Variants in CNTNAP4 observed in about 807,000 individuals in gnomAD.
The protein encoded by CNTNAP4 is contactin-associated protein-like 4.
A neutral mutation model predicts 148.4 loss-of-function variants in CNTNAP4; 98 were observed. The observed-to-expected ratio is 0.66, with a 90% CI of 0.56 to 0.78. The LOEUF is 0.78. Ranked by LOEUF, CNTNAP4 falls within the 30% of genes least tolerant of loss-of-function variation. The probability of loss-of-function intolerance (pLI) is 0.00; values close to 1 mark genes in which losing one functional copy is unlikely to be tolerated. For missense variants in CNTNAP4, 1,935 were observed against 1,565.6 expected, an observed-to-expected ratio of 1.24 and a Z score of -3.98; for synonymous variants, 730 against 565.1, an observed-to-expected ratio of 1.29 and a Z score of -4.14.
intron 3 of CNTNAP4, among the ~76,000 whole-genome samples, chr16:76,417,502 A>C (rs775942606): frequency 8.6e-5 from 13 of 151,618 alleles, no homozygotes; most frequent in Non-Finnish European, 1.9e-4. Flanking sequence ...CGTACCTGAC[A>C]ACATTCATTT....
At position 76,461,937 on chromosome 16, in the gene CNTNAP4, A is replaced by G; in HGVS notation, c.1334-19A>G. The G allele has an allele frequency of 6.2e-7, 1 of 1,612,032 alleles. No homozygotes were observed. The highest frequency in any genetic ancestry group is 8.5e-7 in the Non-Finnish European group (1 of 1,178,344). ...TGTTCACTATTGAGAGCGATCTCTA[A>G]CTGATTTCATCTCCCTAGGTGTCGA... On this transcript the variant is annotated intron_variant, in intron 8 of 23. Transcript: ENST00000611870.
Position 76,452,673 on chromosome 16 carries a change from C to G in CNTNAP4, c.1237C>G (p.Gln413Glu). The stretch of plus-strand genomic sequence containing the variant: ...AGGGCTTCTGCTGTTCAGTGAACTT[C>G]AGCTGATTTCAGGGGGTATCCTCCT... ...KAGLLLFSEL[Q>E]LISGGILLFL... The change falls in exon 8 of 24, where the codon CAG (glutamine) becomes GAG (glutamate). Residue 413 changes from glutamine (Q) to glutamate (E), a missense_variant. Transcript: ENST00000611870. The G allele has an allele frequency of 6.2e-7, 1 of 1,613,804 alleles. No individual in the cohort carries two copies. Among genetic ancestry groups the G allele is most frequent in the Non-Finnish European group, 8.5e-7 (1 of 1,179,824 alleles).
At chr16:76,309,529 A>G (rs557507592) in intron 1 of CNTNAP4, among the ~76,000 whole-genome samples, 4 of 152,322 alleles carry the variant, frequency 2.6e-5, no homozygotes, top group African/African-American at 9.6e-5. Context: ...GGCTTTCTCT[A>G]TACTTAGTAA....
intron 14 of CNTNAP4, among the ~76,000 whole-genome samples, chr16:76,497,290 T>C (rs1212116087): frequency 6.6e-6 from 1 of 152,182 alleles, no homozygotes; most frequent in Non-Finnish European, 1.5e-5. Context: ...ATGAATTATG[T>C]CTTAGCAAGC....
intron 3 of CNTNAP4, among the ~76,000 whole-genome samples, chr16:76,359,292 T>C (rs2013109990): frequency 6.6e-6 from 1 of 152,154 alleles, no homozygotes; most frequent in Non-Finnish European, 1.5e-5. Context: ...TGCAAATAAG[T>C]CTACGAAAGA....
intron 23 of CNTNAP4, chr16:76,557,894 G>A (rs1356359536): frequency 6.6e-6 from 1 of 152,138 alleles, no homozygotes; most frequent in Non-Finnish European, 1.5e-5. Flanking sequence ...GCCAGCGTTG[G>A]TAACCATTGA....
In CNTNAP4 at chr16:76,522,156, T is replaced by C. The variant is rs1398916314; in HGVS notation, c.2654T>C (p.Met885Thr). Residue 885 changes from methionine (M) to threonine (T), a missense_variant, in exon 17 of 24, where the codon ATG becomes ACG. Coordinates refer to ENST00000611870, the MANE Select transcript of CNTNAP4 (RefSeq NM_033401.5). The stretch of plus-strand genomic sequence containing the variant: ...CACCATGTGAGGGTTGAAAGGAACA[T>C]GAAGGAGGCCTCCCTTCAAGTGGAT... Reference protein sequence around the residue: ...QWHHVRVERNMKEASLQVDQL... With the variant: ...QWHHVRVERNTKEASLQVDQL... The C allele has an allele frequency of 1.2e-6, 2 of 1,613,974 alleles. No individual in the cohort carries two copies. The highest frequency in any genetic ancestry group is 1.7e-6 in the Non-Finnish European group (2 of 1,179,868).
chr16:76,298,174 G>C (rs372125412), intron 1 of CNTNAP4, among the ~76,000 whole-genome samples: 3 of 152,056 alleles, frequency 2.0e-5, no homozygotes, highest in East Asian at 1.9e-4. Context: ...CTTATACAGG[G>C]TGCCATAAAG....
intron 1 of CNTNAP4, among the ~76,000 whole-genome samples, chr16:76,306,272 A>C (rs1028720388): frequency 1.3e-5 from 2 of 152,132 alleles, no homozygotes; most frequent in African/African-American, 4.8e-5. Context: ...CTTCTTAATA[A>C]GGTTATAGAC....
chr16:76,407,792 A>G (rs957977212), intron 3 of CNTNAP4, among the ~76,000 whole-genome samples: 10 of 152,270 alleles, frequency 6.6e-5, no homozygotes, highest in African/African-American at 2.2e-4. Flanking sequence ...TAGTTGATAA[A>G]GCAGTGGCAG....
chr16:76,393,933 C>A (rs1200101005), intron 3 of CNTNAP4, among the ~76,000 whole-genome samples: 1 of 152,142 alleles, frequency 6.6e-6, no homozygotes, highest in African/African-American at 2.4e-5. Flanking sequence ...TTCATTTTCG[C>A]CAACAGAAAC....
At chr16:76,394,647 A>G (rs1019540450) in intron 3 of CNTNAP4, among the ~76,000 whole-genome samples, 3 of 152,214 alleles carry the variant, frequency 2.0e-5, no homozygotes, top group African/African-American at 7.2e-5. Flanking sequence ...TTAAACATAA[A>G]TTACAATTTG....
chr16:76,448,864 G>A lies in CNTNAP4; in HGVS notation c.840G>A (p.Leu280=), dbSNP rs755459916. The A allele has an allele frequency of 1.2e-6, 2 of 1,613,612 alleles. No homozygotes were observed. The highest frequency in any genetic ancestry group is 1.1e-5 in the South Asian group (1 of 90,946). Residue 280 remains leucine, a synonymous_variant, in exon 6 of 24, where the codon TTG becomes TTA. Transcript: ENST00000611870. The stretch of plus-strand genomic sequence containing the variant: ...GGCATTCAGTGCTCATCCAGCGTTT[G>A]GGCAAACAAGTCAACTTCACAGTGG... ...QHWHSVLIQR[L]GKQVNFTVDE... is the part of the protein sequence containing the mutation.
rs188170525 is a variant in CNTNAP4, at chr16:76,287,356, C to T, written c.85+9609C>T. On this transcript the variant is annotated intron_variant, in intron 1 of 23. Coordinates refer to ENST00000611870, the MANE Select transcript of CNTNAP4 (RefSeq NM_033401.5). Reference sequence around the variant, plus strand: ...AAATTGTGATCACCATAATTTGCTACGCTTAACACGCAAAACAGCCTGATT... The same window carrying T: ...AAATTGTGATCACCATAATTTGCTATGCTTAACACGCAAAACAGCCTGATT... 3.4e-3 allele frequency among the ~76,000 whole-genome samples: 521 copies of T among 152,252 alleles called. 7 individuals carry two copies. The highest frequency in any genetic ancestry group is 0.012 in the African/African-American group (494 of 41,548).
chr16:76,552,536 C>G (rs560395152), intron 21 of CNTNAP4, among the ~76,000 whole-genome samples: 21 of 152,240 alleles, frequency 1.4e-4, no homozygotes, highest in African/African-American at 4.1e-4. Context: ...CTCCGTTCCA[C>G]AAGAGTCTCA....
intron 1 of CNTNAP4, among the ~76,000 whole-genome samples, chr16:76,300,863 A>C (rs900506506): frequency 1.8e-4 from 28 of 152,272 alleles, no homozygotes; most frequent in African/African-American, 6.5e-4. Context: ...GACATATGTT[A>C]GGGAAGTACC....
chr16:76,318,340 T>C (rs1418367693), intron 2 of CNTNAP4, among the ~76,000 whole-genome samples: 1 of 152,234 alleles, frequency 6.6e-6, no homozygotes, highest in African/African-American at 2.4e-5. Flanking sequence ...TATATGTTAT[T>C]AATTAGATCA....
At chr16:76,440,411 C>T (rs1007016368) in intron 4 of CNTNAP4, among the ~76,000 whole-genome samples, 5 of 152,096 alleles carry the variant, frequency 3.3e-5, no homozygotes, top group African/African-American at 1.2e-4. Context: ...CATAGTTTCA[C>T]TCACAGAATC....
intron 15 of CNTNAP4, among the ~76,000 whole-genome samples, chr16:76,499,714 C>A (rs2143883600): frequency 6.7e-6 from 1 of 150,092 alleles, no homozygotes; most frequent in East Asian, 2.0e-4. Flanking sequence ...CTGCCTTCCG[C>A]AGTGTTTGTG....
Sources: gnomAD v4.1 joint callset for allele counts (sites outside exome capture counted in the v4.1 genomes callset) on GRCh38, gnomAD v4.1.1 for gene constraint, MANE v1.5 for transcripts, NCBI Gene and HGNC (gene_info 2026-07-23, HGNC 2026-07-21) for gene names.